FOXJ2: variants seen among roughly 807,000 people sequenced by gnomAD.
FOXJ2 encodes forkhead box J2, also known as forkhead box protein J2.
FOXJ2 carries 18 observed loss-of-function variants against 68.4 expected under a neutral mutation model. That is an observed-to-expected ratio of 0.26 (90% CI 0.18 to 0.39). The LOEUF is 0.39. Ranked by LOEUF, FOXJ2 falls within the 10% of genes least tolerant of loss-of-function variation. The probability of loss-of-function intolerance (pLI) is 1.00; values close to 1 mark genes in which losing one functional copy is unlikely to be tolerated. For missense variants in FOXJ2, 670 were observed against 726.5 expected, an observed-to-expected ratio of 0.92 and a Z score of 0.89; for synonymous variants, 274 against 263.2, an observed-to-expected ratio of 1.04 and a Z score of -0.40.
At chr12:8,050,409 G>T in intron 9 of FOXJ2, 113 bp from the exon 10 acceptor site, 5 of 1,465,134 alleles carry the variant, frequency 3.4e-6, no homozygotes, top group Non-Finnish European at 4.5e-6. Context: ...ACAGAACAGG[G>T]CAGGGAAGAG....
At chr12:8,047,497 TTTG>T (rs1178833487) in intron 6 of FOXJ2, among the ~76,000 whole-genome samples, 1 of 151,864 alleles carries the variant, frequency 6.6e-6, no homozygotes, top group Non-Finnish European at 1.5e-5. Context: ...AACTGATGGC[TTTG>T]TTTTGTTTCT....
chr12:8,050,258 G>A, intron 9 of FOXJ2: 1 of 1,117,340 alleles, frequency 8.9e-7, no homozygotes, highest in Non-Finnish European at 1.1e-6. Context: ...TTACAGGCAT[G>A]AGCCACCATA....
Position 8,038,909 on chromosome 12 carries a change from G to T in FOXJ2, c.-14-910G>T, listed in dbSNP as rs992051018. 3.3e-5 allele frequency among the ~76,000 whole-genome samples: 5 copies of T among 152,182 alleles called. No homozygotes were observed. Among genetic ancestry groups the T allele is most frequent in the Non-Finnish European group, 7.3e-5 (5 of 68,030 alleles). On this transcript the variant is annotated intron_variant, in intron 1 of 10. Coordinates refer to ENST00000162391, the MANE Select transcript of FOXJ2 (RefSeq NM_018416.3). This position sits in a 1 kb window ranked among gnomAD's most constrained non-coding sequence, Gnocchi z 5.3. ...GGAGCCAGCTCCGAGCTCCAGAGTG[G>T]CTATTTTTAGCCAGGCTATCTGATT...
intron 1 of FOXJ2, among the ~76,000 whole-genome samples, chr12:8,034,316 C>T (rs1011454734): frequency 5.9e-5 from 9 of 152,182 alleles, no homozygotes; most frequent in Admixed American, 2.6e-4. Context: ...AGAGGTGTTC[C>T]CTCCAGCTTA....
intron 1 of FOXJ2, among the ~76,000 whole-genome samples, chr12:8,036,747 G>A (rs1446246075): frequency 6.6e-6 from 1 of 152,184 alleles, no homozygotes; most frequent in Non-Finnish European, 1.5e-5. Context: ...GCTTTGGCAG[G>A]GTTTATGGGT....
rs749168304 is a variant in FOXJ2 at position 8,048,784 on chromosome 12, A to C, written c.1313A>C (p.Gln438Pro). The C allele has an allele frequency of 6.2e-7, 1 of 1,613,952 alleles. No individual in the cohort carries two copies. Residue 438 changes from glutamine (Q) to proline (P), a missense_variant, in exon 8 of 11, where the codon CAG becomes CCG. Around this residue, in one of 2 missense-constraint regions of FOXJ2, gnomAD observed 555 missense variants for 562.2 expected, o/e 0.99. Coordinates refer to ENST00000162391, the MANE Select transcript of FOXJ2 (RefSeq NM_018416.3). ...VNRLNWSSIE[Q>P]SQFSELMESL... ...CGGCTCAATTGGTCCAGCATTGAGC[A>C]GTCACAATTCTCAGGTTAGTGATCA...
chr12:8,035,566 A>G lies in FOXJ2; in HGVS notation c.-15+1733A>G, dbSNP rs1453595154. On this transcript the variant is annotated intron_variant, in intron 1 of 10. Transcript: ENST00000162391. This position sits in a 1 kb window ranked among gnomAD's most constrained non-coding sequence, Gnocchi z 4.0. ...AAAAGAGGCCTCGCTGGTTAACAGC[A>G]GCCTGTTTCTTATAAAGTACTTCAC... Among the ~76,000 whole-genome samples, 2 of 152,242 alleles carry G rather than the reference A, an allele frequency of 1.3e-5. No individual in the cohort carries two copies. The highest frequency in any genetic ancestry group is 2.9e-5 in the Non-Finnish European group (2 of 68,050).
At position 8,036,262 on chromosome 12, in the gene FOXJ2, G is replaced by C. The variant is rs144224964; in HGVS notation, c.-15+2429G>C. 5.9e-5 allele frequency among the ~76,000 whole-genome samples: 9 copies of C among 152,308 alleles called. 1 individual carries two copies. The Middle Eastern group carries it at 0.01, about 173-fold the overall frequency. ...AGGAAGTCATCACACCTTATTACCT[G>C]ACATTGGCATTAGAACAATTAGTGG... On this transcript the variant is annotated intron_variant, in intron 1 of 10. Transcript: ENST00000162391.
rs1248033229 is a variant in FOXJ2 at position 8,047,573 on chromosome 12, C to T, written c.818-309C>T. Among the ~76,000 whole-genome samples, 7 of 151,326 alleles carry T rather than the reference C, an allele frequency of 4.6e-5. No individual in the cohort carries two copies. In the East Asian group the frequency reaches 7.8e-4, roughly 17 times the overall value. On this transcript the variant is annotated intron_variant, in intron 6 of 10. Transcript: ENST00000162391. ...CAGGGATGGTTTCCTTTTTAAAGTT[C>T]ACCTGCTGGGAAACTGTGATTTCAG...
rs775125077 is a variant in FOXJ2, at chr12:8,038,895, C to T, written c.-14-924C>T. ...GAGGGCGGAGAAGGGGAGCCAGCTC[C>T]GAGCTCCAGAGTGGCTATTTTTAGC... On this transcript the variant is annotated intron_variant, in intron 1 of 10. Transcript: ENST00000162391. This position sits in a 1 kb window ranked among gnomAD's most constrained non-coding sequence, Gnocchi z 5.3. Among the ~76,000 whole-genome samples the T allele has an allele frequency of 6.6e-6, 1 of 152,122 alleles. No individual in the cohort carries two copies. Among genetic ancestry groups the T allele is most frequent in the African/African-American group, 2.4e-5 (1 of 41,428 alleles).
intron 1 of FOXJ2, among the ~76,000 whole-genome samples, chr12:8,034,226 G>A (rs191208346): frequency 6.6e-6 from 1 of 152,328 alleles, no homozygotes; most frequent in East Asian, 1.9e-4. Context: ...CCCCTGGAGA[G>A]TGGGCTGTCA....
In FOXJ2 at chr12:8,047,938, C is replaced by G; in HGVS notation, c.874C>G (p.Gln292Glu). The part of the protein sequence containing the change: ...PPSNNYYMYQ[Q>E]QQPPPPQQQQ... ...CTCGAACAACTACTACATGTATCAG[C>G]AGCAGCAGCCACCGCCACCTCAACA... The change falls in exon 7 of 11, where the codon CAG becomes GAG. Residue 292 changes from glutamine (Q) to glutamate (E), a missense_variant. Gln to Glu is a conservative substitution (Grantham distance 29). Transcript: ENST00000162391. 1 of 1,612,726 alleles carries G rather than the reference C, an allele frequency of 6.2e-7. No homozygotes were observed.
intron 2 of FOXJ2, among the ~76,000 whole-genome samples, chr12:8,041,686 A>G (rs1036950574): frequency 6.6e-6 from 1 of 150,584 alleles, no homozygotes; most frequent in African/African-American, 2.4e-5. Context: ...ACTTTTTTTT[A>G]TTTTGTAGAA....
intron 5 of FOXJ2, 57 bp from the exon 6 acceptor site, chr12:8,044,703 G>A: frequency 6.3e-7 from 1 of 1,589,120 alleles, no homozygotes; most frequent in East Asian, 2.2e-5. Flanking sequence ...CCATTGAAGG[G>A]TTTTATTGGT....
intron 2 of FOXJ2, among the ~76,000 whole-genome samples, chr12:8,042,040 G>A (rs981203214): frequency 6.6e-6 from 1 of 152,024 alleles, no homozygotes; most frequent in African/African-American, 2.4e-5. Context: ...ACCACGCCTG[G>A]CTAATTTTTG....
intron 1 of FOXJ2, among the ~76,000 whole-genome samples, chr12:8,037,102 C>T (rs1946907597): frequency 6.6e-6 from 1 of 152,006 alleles, no homozygotes; most frequent in Non-Finnish European, 1.5e-5. Context: ...AAAGACAAAA[C>T]AAAACAAAAC....
rs1947067532 is a variant in FOXJ2 at position 8,048,281 on chromosome 12, C to A, written c.1217C>A (p.Thr406Asn). Residue 406 changes from threonine to asparagine, a missense_variant, in exon 7 of 11, where the codon ACT becomes AAT. Physicochemically the swap from Thr to Asn is moderately conservative, Grantham distance 65. Around this residue, in one of 2 missense-constraint regions of FOXJ2, gnomAD observed 555 missense variants for 562.2 expected, o/e 0.99. Coordinates refer to ENST00000162391, the MANE Select transcript of FOXJ2 (RefSeq NM_018416.3). ...QAQGQAPINNTGFAFPSDWCS... is the reference protein window; with the variant it reads ...QAQGQAPINNNGFAFPSDWCS... Reference sequence around the variant, plus strand: ...CAAGGCCAGGCTCCCATCAACAACACTGGCTTTGGTGAGTAAGGAGGGTGC... The same window carrying A: ...CAAGGCCAGGCTCCCATCAACAACAATGGCTTTGGTGAGTAAGGAGGGTGC... 6.4e-7 allele frequency: 1 copy of A among 1,567,074 alleles called. No individual in the cohort carries two copies. The highest frequency in any genetic ancestry group is 8.7e-7 in the Non-Finnish European group (1 of 1,156,014).
chr12:8,047,916 G>A lies in FOXJ2; in HGVS notation c.852G>A (p.Ser284=), dbSNP rs748494119. The A allele has an allele frequency of 1.4e-5, 22 of 1,605,796 alleles. No homozygotes were observed. The African/African-American group carries it at 1.7e-4, about 13-fold the overall frequency. Residue 284 remains serine, a synonymous_variant, in exon 7 of 11, where the codon TCG becomes TCA. Coordinates refer to ENST00000162391, the MANE Select transcript of FOXJ2 (RefSeq NM_018416.3). ...FSSLLGDIPP[S]NNYYMYQQQQ... ...CTCTCCTGGGGGACATCCCACCCTC[G>A]AACAACTACTACATGTATCAGCAGC...
chr12:8,047,464 G>A (rs7970274), intron 6 of FOXJ2, among the ~76,000 whole-genome samples: 89,945 of 151,722 alleles, frequency 0.59, 29,657 homozygotes, highest in Non-Finnish European at 0.75. Context: ...AACAAAAAAC[G>A]GAAGGAAGAG....
Sources: gnomAD v4.1 joint callset for allele counts (sites outside exome capture counted in the v4.1 genomes callset) on GRCh38, gnomAD v4.1.1 for gene constraint, gnomAD v4.1.1 regional missense constraint, Gnocchi (gnomAD v3.1) non-coding constraint, MANE v1.5 for transcripts, NCBI Gene and HGNC (gene_info 2026-07-23, HGNC 2026-07-21) for gene names.